The following HPSE2 variants were observed in gnomAD, a reference collection of about 807,000 sequenced individuals.
The protein encoded by HPSE2 is inactive heparanase-2.
A neutral mutation model predicts 60.5 loss-of-function variants in HPSE2; 38 were observed. That is an observed-to-expected ratio of 0.63 (90% CI 0.48 to 0.82). The LOEUF is 0.82. HPSE2 is among the 40% of genes least tolerant of loss of function. The probability of loss-of-function intolerance (pLI) is 0.00; values close to 1 mark genes in which losing one functional copy is unlikely to be tolerated. For synonymous variants in HPSE2, 295 were observed against 293.2 expected (o/e 1.01, Z -0.06); for missense variants, 713 against 740.4 (o/e 0.96, Z 0.43).
chr10:98,797,500 C>A (rs1950803595), intron 3 of HPSE2, among the ~76,000 whole-genome samples: 2 of 151,988 alleles, frequency 1.3e-5, no homozygotes, highest in Non-Finnish European at 2.9e-5. Flanking sequence ...ACGAAATAAC[C>A]TCAAAAGGGT....
At chr10:98,516,703 CTG>C (rs1378226262) in intron 9 of HPSE2, among the ~76,000 whole-genome samples, 3 of 152,154 alleles carry the variant, frequency 2.0e-5, no homozygotes, top group Non-Finnish European at 4.4e-5. Flanking sequence ...TCTCTCTCAC[CTG>C]AATTGCCCCC....
chr10:99,308,120 G>A, the HPSE2 span, among the ~76,000 whole-genome samples: 1 of 151,924 alleles, frequency 6.6e-6, no homozygotes, highest in Admixed American at 6.6e-5. Context: ...AGGTGCGGTG[G>A]CTCATGCCTG....
intron 8 of HPSE2, among the ~76,000 whole-genome samples, chr10:98,618,126 G>A (rs1945970202): frequency 6.6e-6 from 1 of 152,174 alleles, no homozygotes; most frequent in Non-Finnish European, 1.5e-5. Flanking sequence ...TGTCAGTGGA[G>A]TTGAGACCAA....
At chr10:98,491,286 A>C (rs1941635510) in intron 9 of HPSE2, among the ~76,000 whole-genome samples, 1 of 152,196 alleles carries the variant, frequency 6.6e-6, no homozygotes, top group African/African-American at 2.4e-5. Flanking sequence ...ATCAGAATAA[A>C]GTCTCAAAGC....
chr10:98,579,588 C>T (rs111537862), intron 9 of HPSE2, among the ~76,000 whole-genome samples: 1 of 152,152 alleles, frequency 6.6e-6, no homozygotes, highest in Non-Finnish European at 1.5e-5. Context: ...ACTTCTCCCC[C>T]CTTCCACTTC....
intron 2 of HPSE2, among the ~76,000 whole-genome samples, chr10:99,195,488 T>C (rs1011403141): frequency 1.3e-5 from 2 of 151,828 alleles, no homozygotes; most frequent in Non-Finnish European, 2.9e-5. Context: ...AAAAAAACTA[T>C]TAGAACTGAT....
At chr10:98,966,397 T>G (rs1357731038) in intron 3 of HPSE2, among the ~76,000 whole-genome samples, 1 of 152,090 alleles carries the variant, frequency 6.6e-6, no homozygotes, top group East Asian at 1.9e-4. Flanking sequence ...AGAAGCAGCA[T>G]AAGGTGGCAG....
intron 3 of HPSE2, among the ~76,000 whole-genome samples, chr10:98,836,381 C>T (rs564459836): frequency 7.2e-5 from 11 of 152,304 alleles, no homozygotes; most frequent in African/African-American, 2.4e-4. Flanking sequence ...TTCAAATACC[C>T]CATGCAAATC....
intron 6 of HPSE2, among the ~76,000 whole-genome samples, chr10:98,673,695 TTTC>T (rs1410461099): frequency 1.3e-5 from 2 of 152,196 alleles, no homozygotes; most frequent in Non-Finnish European, 2.9e-5. Context: ...AGCTGACTGA[TTTC>T]TTGTATTTTT....
intron 10 of HPSE2, among the ~76,000 whole-genome samples, chr10:98,488,224 A>G (rs1317363388): frequency 6.6e-6 from 1 of 152,206 alleles, no homozygotes; most frequent in African/African-American, 2.4e-5. Flanking sequence ...ATGCTATGGA[A>G]TGGTAGAATT....
At chr10:99,208,691 T>TA (rs61408180) in intron 2 of HPSE2, among the ~76,000 whole-genome samples, 6,280 of 144,868 alleles carry the variant, frequency 0.043, 205 homozygotes, top group Middle Eastern at 0.11. Flanking sequence ...TCTCAAAAAA[T>TA]AAAAATAAAA....
chr10:98,955,644 G>A (rs1250156151), intron 3 of HPSE2, among the ~76,000 whole-genome samples: 1 of 152,088 alleles, frequency 6.6e-6, no homozygotes, highest in East Asian at 1.9e-4. Context: ...CTATTATAAA[G>A]ATACATGCAC....
At chr10:98,630,221 A>C (rs906919379) in intron 7 of HPSE2, among the ~76,000 whole-genome samples, 1 of 145,590 alleles carries the variant, frequency 6.9e-6, no homozygotes, top group African/African-American at 2.5e-5. Context: ...TTTTTGAGAC[A>C]GAGTCTCGCT....
chr10:99,202,415 C>G (rs947855860), intron 2 of HPSE2, among the ~76,000 whole-genome samples: 12 of 152,074 alleles, frequency 7.9e-5, no homozygotes, highest in African/African-American at 2.7e-4. Context: ...TTAAATGGAG[C>G]AAGAGTAACC....
rs79375895 is a variant in HPSE2 at position 98,461,038 on chromosome 10, T to C, written c.1614-1299A>G. Reference sequence around the variant, plus strand: ...TTTCTGGGCCTTGCCCAACCTCCAGTGTGATAACATTGCCGTGACATCATC... The same window carrying C: ...TTTCTGGGCCTTGCCCAACCTCCAGCGTGATAACATTGCCGTGACATCATC... On this transcript the variant is annotated intron_variant, in intron 11 of 11. Coordinates refer to ENST00000370552, the MANE Select transcript of HPSE2 (RefSeq NM_021828.5). 5.6e-3 allele frequency among the ~76,000 whole-genome samples: 859 copies of C among 152,378 alleles called. 15 individuals carry two copies. Among genetic ancestry groups the C allele is most frequent in the African/African-American group, 0.02 (822 of 41,590 alleles).
At chr10:98,888,437 G>C (rs1953236411) in intron 3 of HPSE2, among the ~76,000 whole-genome samples, 1 of 152,006 alleles carries the variant, frequency 6.6e-6, no homozygotes, top group East Asian at 1.9e-4. Flanking sequence ...TTTGTACTAG[G>C]AAATTAAGAA....
At chr10:99,063,589 T>C (rs1842518073) in intron 3 of HPSE2, among the ~76,000 whole-genome samples, 1 of 152,196 alleles carries the variant, frequency 6.6e-6, no homozygotes, top group Non-Finnish European at 1.5e-5. Flanking sequence ...CTTTAGTCTA[T>C]CAATTCTACT....
chr10:98,685,353 C>T (rs2134147357), intron 6 of HPSE2, among the ~76,000 whole-genome samples: 1 of 152,276 alleles, frequency 6.6e-6, no homozygotes, highest in South Asian at 2.1e-4. Flanking sequence ...TCCTGCATAA[C>T]ACAAAACCCT....
At chr10:98,853,821 G>A (rs1302595572) in intron 3 of HPSE2, among the ~76,000 whole-genome samples, 1 of 152,134 alleles carries the variant, frequency 6.6e-6, no homozygotes, top group Non-Finnish European at 1.5e-5. Flanking sequence ...CTGAGCTTCA[G>A]TTACTTATCT....
Sources: gnomAD v4.1 joint callset for allele counts (sites outside exome capture counted in the v4.1 genomes callset) on GRCh38, gnomAD v4.1.1 for gene constraint, MANE v1.5 for transcripts, NCBI Gene and HGNC (gene_info 2026-07-23, HGNC 2026-07-21) for gene names.